Variants in NAV2 observed in about 807,000 individuals in gnomAD.
The protein encoded by NAV2 is neuron navigator 2, also known as helicase, APC down-regulated 1.
Under a neutral mutation model 223.2 loss-of-function variants are expected in NAV2, and 54 were observed. The observed-to-expected ratio is 0.24, with a 90% CI of 0.19 to 0.30. The LOEUF (loss-of-function observed/expected upper bound fraction) is 0.30. Among genes scored for constraint, NAV2 ranks in the 10% least tolerant of loss-of-function variants. The pLI is 1.00. For missense variants in NAV2, 2,806 were observed against 3,147.5 expected (o/e 0.89, Z 2.60); for synonymous variants, 1,279 against 1,239.3 (o/e 1.03, Z -0.67).
intron 1 of NAV2, among the ~76,000 whole-genome samples, chr11:19,612,582 G>T (rs7118717): frequency 0.034 from 5,112 of 152,206 alleles, 181 homozygotes; most frequent in African/African-American, 0.078. Context: ...TCTAGGGCAG[G>T]GGTAAAATGC....
intron 1 of NAV2, among the ~76,000 whole-genome samples, chr11:19,420,787 A>G (rs1466910530): frequency 6.6e-6 from 1 of 152,208 alleles, no homozygotes; most frequent in Non-Finnish European, 1.5e-5. Flanking sequence ...TTCTAGGATG[A>G]AGTTGATGTT....
intron 11 of NAV2, among the ~76,000 whole-genome samples, chr11:20,021,187 A>G (rs2054479562): frequency 6.6e-6 from 1 of 152,136 alleles, no homozygotes; most frequent in South Asian, 2.1e-4. Context: ...ATTTTGTCTC[A>G]TTTATTTTAT....
At chr11:19,712,084 A>T (rs1297899792), upstream of NAV2, 1 of 152,224 alleles carries the variant, frequency 6.6e-6, no homozygotes, top group Non-Finnish European at 1.5e-5. Flanking sequence ...CGAGTCGAGG[A>T]ACCTGTTGGG....
intron 10 of NAV2, among the ~76,000 whole-genome samples, chr11:19,962,781 C>A (rs2048442891): frequency 6.6e-6 from 1 of 152,106 alleles, no homozygotes; most frequent in Non-Finnish European, 1.5e-5. Flanking sequence ...GATTCTGAGC[C>A]TAAGGAGAGG....
intron 1 of NAV2, among the ~76,000 whole-genome samples, chr11:19,746,688 G>A (rs891231476): frequency 6.6e-6 from 1 of 151,848 alleles, no homozygotes; most frequent in Non-Finnish European, 1.5e-5. Context: ...TTTGCCACAT[G>A]CCCCCATGTT....
intron 1 of NAV2, among the ~76,000 whole-genome samples, chr11:19,419,335 G>A (rs934042845): frequency 1.3e-5 from 2 of 152,216 alleles, no homozygotes; most frequent in African/African-American, 2.4e-5. Flanking sequence ...AATCCATCAT[G>A]AGCCAATTAG....
At chr11:19,758,503 T>A (rs1055773475) in intron 1 of NAV2, among the ~76,000 whole-genome samples, 1 of 152,068 alleles carries the variant, frequency 6.6e-6, no homozygotes, top group African/African-American at 2.4e-5. Flanking sequence ...GTGGGGTGAC[T>A]TCGTTATAAG....
intron 6 of NAV2, among the ~76,000 whole-genome samples, chr11:19,897,903 T>TATATATATATATAC (rs927166131): frequency 6.8e-6 from 1 of 147,524 alleles, no homozygotes; most frequent in African/African-American, 2.6e-5. Flanking sequence ...TATATATATA[T>TATATATATATATAC]ATGTGAGCAG....
chr11:20,021,998 TC>T (rs2054553003), intron 11 of NAV2, among the ~76,000 whole-genome samples: 1 of 151,700 alleles, frequency 6.6e-6, no homozygotes, highest in Admixed American at 6.6e-5. Context: ...TCCCTAACCA[TC>T]CCCCAGGGCC....
At position 19,998,704 on chromosome 11, in the gene NAV2, TCC is replaced by T. The variant is rs71050696; in HGVS notation, c.2768+14463_2768+14464del. ...CTGTCCCCTCTGCATAGACTGTGCT[TCC>T]CCCCCTCTCTCCTTTTCTCCTTATA... On this transcript the variant is annotated intron_variant, in intron 11 of 37. Coordinates refer to ENST00000349880, the MANE Select transcript of NAV2 (RefSeq NM_145117.5). This position sits in a 1 kb window ranked among gnomAD's most constrained non-coding sequence, Gnocchi z 5.0. Among the ~76,000 whole-genome samples the T allele has an allele frequency of 2.6e-5, 4 of 151,798 alleles. No homozygotes were observed. Among genetic ancestry groups the T allele is most frequent in the Non-Finnish European group, 4.4e-5 (3 of 67,966 alleles).
intron 3 of NAV2, among the ~76,000 whole-genome samples, chr11:19,844,387 T>C (rs952484236): frequency 2.0e-5 from 3 of 152,226 alleles, no homozygotes; most frequent in Admixed American, 1.3e-4. Context: ...TTGGTGCACC[T>C]CTATTCTAAG....
chr11:19,942,938 A>G (rs2046521690), intron 8 of NAV2, among the ~76,000 whole-genome samples: 1 of 152,208 alleles, frequency 6.6e-6, no homozygotes, highest in South Asian at 2.1e-4. Flanking sequence ...AGCTGTGATC[A>G]CAGCACTGCA....
chr11:20,043,545 G>T (rs1004740861), intron 12 of NAV2, among the ~76,000 whole-genome samples: 3 of 152,074 alleles, frequency 2.0e-5, no homozygotes, highest in Admixed American at 1.3e-4. Flanking sequence ...TCCCCGGGGT[G>T]ATCCTCCCAC....
chr11:19,938,522 A>G (rs938009156), intron 7 of NAV2, among the ~76,000 whole-genome samples: 1 of 152,236 alleles, frequency 6.6e-6, no homozygotes, highest in Non-Finnish European at 1.5e-5. Flanking sequence ...GCAGATATTT[A>G]TTGTGAAATA....
intron 1 of NAV2, among the ~76,000 whole-genome samples, chr11:19,371,587 C>T (rs1848471793): frequency 6.6e-6 from 1 of 152,114 alleles, no homozygotes; most frequent in African/African-American, 2.4e-5. Flanking sequence ...GTAGGTAGTA[C>T]TAGCTGAAGT....
intron 17 of NAV2, among the ~76,000 whole-genome samples, chr11:20,053,218 GAAAAAAAAAAAAA>G (rs60421659): frequency 7.3e-5 from 3 of 40,974 alleles, no homozygotes; most frequent in Non-Finnish European, 1.2e-4. Context: ...ACTACGTCTC[GAAAAAAAAAAAAA>G]AAAAAAAAAA....
chr11:19,613,720 G>A (rs753750662), intron 1 of NAV2, among the ~76,000 whole-genome samples: 26 of 152,154 alleles, frequency 1.7e-4, no homozygotes, highest in Non-Finnish European at 2.6e-4. Context: ...GTTGGAATCC[G>A]CTTTTAACTA....
At chr11:19,579,778 T>G (rs1048331968) in intron 1 of NAV2, among the ~76,000 whole-genome samples, 2 of 152,206 alleles carry the variant, frequency 1.3e-5, no homozygotes, top group East Asian at 3.8e-4. Flanking sequence ...AGATTCTAGC[T>G]TTTCTGGAAT....
intron 1 of NAV2, among the ~76,000 whole-genome samples, chr11:19,562,854 A>G (rs756050114): frequency 1.7e-4 from 26 of 152,208 alleles, no homozygotes; most frequent in Middle Eastern, 3.2e-3. Flanking sequence ...AGCCAATCAT[A>G]TGTATTAATG....
Sources: allele counts gnomAD v4.1 joint callset (sites outside exome capture counted in the v4.1 genomes callset), GRCh38; gene constraint gnomAD v4.1.1; non-coding constraint Gnocchi (gnomAD v3.1); transcripts MANE v1.5; gene names NCBI Gene and HGNC (gene_info 2026-07-23, HGNC 2026-07-21).